The following FRY variants were observed in gnomAD, a reference collection of about 807,000 sequenced individuals.
The protein encoded by FRY is protein furry homolog.
Under a neutral mutation model 348.4 loss-of-function variants are expected in FRY, and 128 were observed. That is an observed-to-expected ratio of 0.37 (90% CI 0.32 to 0.43). The LOEUF is 0.43. FRY is among the 20% of genes least tolerant of loss of function. The pLI, the probability that FRY is intolerant of heterozygous loss-of-function variation, is 1.00. For missense variants in FRY, 2,736 were observed against 3,695.2 expected (o/e 0.74, Z 6.73); for synonymous variants, 1,370 against 1,374.7 (o/e 1.00, Z 0.08).
chr13:32,142,989 G>T (rs1880173754), intron 11 of FRY, among the ~76,000 whole-genome samples: 1 of 152,146 alleles, frequency 6.6e-6, no homozygotes, highest in Non-Finnish European at 1.5e-5. Flanking sequence ...AAGAGGAGAT[G>T]TAACCTAATT....
chr13:32,225,757 G>T (rs1885545783), intron 38 of FRY, 32 bp from the exon 39 acceptor site: 1 of 1,530,992 alleles, frequency 6.5e-7, no homozygotes, highest in Non-Finnish European at 9.1e-7. Flanking sequence ...CTTAACGTTT[G>T]TTTATACTTA....
chr13:32,200,402 C>T (rs142778408), intron 29 of FRY, among the ~76,000 whole-genome samples: 1 of 152,316 alleles, frequency 6.6e-6, no homozygotes, highest in African/African-American at 2.4e-5. Context: ...ATAGCAGTAA[C>T]TCACCTTCTA....
At chr13:32,081,568 T>A (rs1019292533) in intron 2 of FRY, among the ~76,000 whole-genome samples, 4 of 152,130 alleles carry the variant, frequency 2.6e-5, no homozygotes, top group African/African-American at 9.7e-5. Flanking sequence ...CAGGTGATCC[T>A]CCCGTCTTGG....
At chr13:32,265,774 T>C (rs1471433417) in intron 54 of FRY, among the ~76,000 whole-genome samples, 158 bp downstream of exon 54, 1 of 152,010 alleles carries the variant, frequency 6.6e-6, no homozygotes, top group East Asian at 1.9e-4. Context: ...TGAGTTAGAG[T>C]CATCCAATCC....
chr13:32,170,065 C>A (rs1010693823), intron 17 of FRY, among the ~76,000 whole-genome samples: 1 of 152,088 alleles, frequency 6.6e-6, no homozygotes, highest in African/African-American at 2.4e-5. Context: ...GTACCACACC[C>A]CAAGGTGCAC....
chr13:32,262,453 T>C lies in FRY; in HGVS notation c.7757T>C (p.Leu2586Pro). 1 of 1,613,558 alleles carries C rather than the reference T, an allele frequency of 6.2e-7. No homozygotes were observed. Among genetic ancestry groups the C allele is most frequent in the Non-Finnish European group, 8.5e-7 (1 of 1,179,464 alleles). The change falls in exon 53 of 61, where the codon CTG (leucine) becomes CCG (proline). Residue 2586 changes from leucine to proline, a missense_variant. Transcript: ENST00000542859. ...FDASLPDMNN[L>P]QISEGSKAEA... ...GCTTCCTTGCCTGATATGAATAATC[T>C]GCAGATTTCTGAGGGTTCAAAGGTG...
At chr13:32,115,501 A>T (rs992869182) in intron 3 of FRY, among the ~76,000 whole-genome samples, 8 of 152,178 alleles carry the variant, frequency 5.3e-5, no homozygotes, top group Admixed American at 3.3e-4. Flanking sequence ...AAAAATCTTT[A>T]GAGTCTTCTC....
intron 11 of FRY, 148 bp from the exon 12 acceptor site, chr13:32,147,134 G>C: frequency 1.6e-6 from 1 of 633,214 alleles, no homozygotes; most frequent in Non-Finnish European, 2.9e-6. Flanking sequence ...CCAATACTCT[G>C]TAAGTCCCAG....
chr13:32,210,842 C>T (rs746457058), intron 33 of FRY, 24 bp from the exon 34 acceptor site: 9 of 1,608,690 alleles, frequency 5.6e-6, no homozygotes, highest in Non-Finnish European at 6.8e-6. Flanking sequence ...TGAAACATCC[C>T]TTGTTTTCTT....
At chr13:32,200,019 C>T (rs1404538491) in intron 29 of FRY, among the ~76,000 whole-genome samples, 1 of 152,188 alleles carries the variant, frequency 6.6e-6, no homozygotes, top group African/African-American at 2.4e-5. Flanking sequence ...CCTGAGATGG[C>T]TCAGGGCTTC....
chr13:32,227,738 A>G (rs1885656864), intron 39 of FRY, among the ~76,000 whole-genome samples: 1 of 150,998 alleles, frequency 6.6e-6, no homozygotes. Context: ...CAAACAGGGT[A>G]TCATTTCACA....
At chr13:32,254,089 A>G (rs767384353) in intron 50 of FRY, 135 bp from the exon 51 acceptor site, 2 of 843,564 alleles carry the variant, frequency 2.4e-6, no homozygotes, top group South Asian at 1.4e-5. Flanking sequence ...TAATAAAAGA[A>G]CATTCTAAAA....
At chr13:32,253,562 G>T (rs1003933359) in intron 50 of FRY, among the ~76,000 whole-genome samples, 3 of 152,140 alleles carry the variant, frequency 2.0e-5, no homozygotes, top group Non-Finnish European at 4.4e-5. Flanking sequence ...TCAGTGAAAA[G>T]AACCTAAACA....
At chr13:32,158,951 CAAAA>C (rs35585320) in intron 16 of FRY, among the ~76,000 whole-genome samples, 18 of 32,780 alleles carry the variant, frequency 5.5e-4, no homozygotes, top group African/African-American at 1.5e-3. Context: ...GCTGTTTCCT[CAAAA>C]AAAAAAAAAA....
At position 32,231,265 on chromosome 13, in the gene FRY, G is replaced by A. The variant is rs761974144; in HGVS notation, c.5492G>A (p.Arg1831His). ...GCTGAACAGCTCACTAATTTTCTAC[G>A]TCACGTTGTATCTGTATTTAAAGAT... ...KSAEQLTNFL[R>H]HVVSVFKDSK... Residue 1831 changes from arginine (R) to histidine (H), a missense_variant, in exon 41 of 61, where the codon CGT becomes CAT. By Grantham distance (29) the Arg-to-His change is conservative. Coordinates refer to ENST00000542859, the MANE Select transcript of FRY (RefSeq NM_023037.3). The A allele has an allele frequency of 1.2e-5, 20 of 1,613,270 alleles. No individual in the cohort carries two copies. Among genetic ancestry groups the A allele is most frequent in the Middle Eastern group, 1.6e-4 (1 of 6,080 alleles).
intron 7 of FRY, among the ~76,000 whole-genome samples, chr13:32,126,450 A>G (rs1461124962): frequency 1.3e-5 from 2 of 152,234 alleles, no homozygotes; most frequent in East Asian, 1.9e-4. Flanking sequence ...GGTAAGATTT[A>G]TGGTCCACCA....
intron 55 of FRY, among the ~76,000 whole-genome samples, chr13:32,274,375 A>G (rs1446765399): frequency 6.6e-6 from 1 of 152,196 alleles, no homozygotes. Flanking sequence ...TTAAAACAAC[A>G]TGTTGTACAC....
intron 50 of FRY, among the ~76,000 whole-genome samples, chr13:32,252,844 A>G (rs1427669341): frequency 6.6e-6 from 1 of 152,092 alleles, no homozygotes; most frequent in African/African-American, 2.4e-5. Flanking sequence ...CTGGGCCTCC[A>G]TTTAAGTCAC....
intron 29 of FRY, 128 bp downstream of exon 29, chr13:32,194,425 G>C: frequency 1.2e-6 from 1 of 813,948 alleles, no homozygotes; most frequent in Non-Finnish European, 2.1e-6. Context: ...AAAATGTTCT[G>C]TATGTCCCCA....
Sources: gnomAD v4.1 joint callset for allele counts (sites outside exome capture counted in the v4.1 genomes callset) on GRCh38, gnomAD v4.1.1 for gene constraint, MANE v1.5 for transcripts, NCBI Gene and HGNC (gene_info 2026-07-23, HGNC 2026-07-21) for gene names.